SORCS2: variants seen among roughly 807,000 people sequenced by gnomAD.
SORCS2 encodes VPS10 domain-containing receptor SorCS2.
A neutral mutation model predicts 141.6 loss-of-function variants in SORCS2; 100 were observed. The ratio of observed to expected loss-of-function variants is 0.71; its 90% CI spans 0.60 to 0.83. The LOEUF (loss-of-function observed/expected upper bound fraction) is 0.83, where lower values mean the gene tolerates loss of function less well. SORCS2 is among the 40% of genes least tolerant of loss of function. The pLI is 0.00. For synonymous variants in SORCS2, 789 were observed against 676.9 expected (o/e 1.17, Z -2.57); for missense variants, 1,646 against 1,560.2 (o/e 1.05, Z -0.93).
At chr4:7,613,369 G>C (rs1386657488) in intron 3 of SORCS2, among the ~76,000 whole-genome samples, 2 of 152,238 alleles carry the variant, frequency 1.3e-5, no homozygotes, top group Admixed American at 6.5e-5. Context: ...GCTCTGCGTG[G>C]CCAGGTGCCA....
intron 11 of SORCS2, among the ~76,000 whole-genome samples, chr4:7,691,364 G>C (rs549590429): frequency 2.6e-5 from 4 of 152,332 alleles, no homozygotes; most frequent in African/African-American, 9.6e-5. Flanking sequence ...TGGCCTTCTG[G>C]GTGGAAGGGG....
At chr4:7,202,396 G>A (rs1727528327) in intron 1 of SORCS2, among the ~76,000 whole-genome samples, 1 of 151,938 alleles carries the variant, frequency 6.6e-6, no homozygotes. Context: ...GTGTCCTTTT[G>A]AGGTGGAAAA....
In SORCS2 at chr4:7,444,091, A is replaced by G. The variant is rs182991524; in HGVS notation, c.548+47736A>G. Among the ~76,000 whole-genome samples, 45 of 152,364 alleles carry G rather than the reference A, an allele frequency of 3.0e-4. No homozygotes were observed. In the East Asian group the frequency reaches 8.5e-3, roughly 29 times the overall value. ...TCTCCTTCCCTGTTAGAAGAGGGGA[A>G]ATAGGCAGATCCTAAAAGCAAACAC... On this transcript the variant is annotated intron_variant, in intron 2 of 26. Transcript: ENST00000507866.
At chr4:7,657,537 A>G (rs1395598387) in intron 5 of SORCS2, among the ~76,000 whole-genome samples, 1 of 152,212 alleles carries the variant, frequency 6.6e-6, no homozygotes, top group Non-Finnish European at 1.5e-5. Context: ...GATTGAGTGA[A>G]AGAATGAATG....
At chr4:7,416,919 C>G (rs1172302853) in intron 2 of SORCS2, among the ~76,000 whole-genome samples, 1 of 152,182 alleles carries the variant, frequency 6.6e-6, no homozygotes, top group African/African-American at 2.4e-5. Context: ...GACACACTGA[C>G]ACATTCACAC....
intron 1 of SORCS2, among the ~76,000 whole-genome samples, chr4:7,304,523 A>C (rs1003223046): frequency 6.6e-6 from 1 of 152,202 alleles, no homozygotes; most frequent in Non-Finnish European, 1.5e-5. Flanking sequence ...ATGTGCATTG[A>C]GCCTGGGCTC....
chr4:7,401,372 T>G (rs1037568330), intron 2 of SORCS2, among the ~76,000 whole-genome samples: 8 of 151,766 alleles, frequency 5.3e-5, no homozygotes, highest in African/African-American at 1.9e-4. Flanking sequence ...GATGGATGGG[T>G]GGATGGAAGA....
At chr4:7,349,594 G>A (rs778054317) in intron 1 of SORCS2, among the ~76,000 whole-genome samples, 4 of 152,194 alleles carry the variant, frequency 2.6e-5, no homozygotes, top group East Asian at 3.9e-4. Flanking sequence ...CCTGCCTACC[G>A]TGCTCTGGCA....
chr4:7,194,220 A>G (rs1171940705), intron 1 of SORCS2, among the ~76,000 whole-genome samples: 3 of 151,956 alleles, frequency 2.0e-5, no homozygotes, highest in Non-Finnish European at 2.9e-5. Flanking sequence ...GGGGTCCCCT[A>G]GGAGACCTCT....
At chr4:7,410,961 T>TTTTTTTTTTTTTTG (rs1725264419) in intron 2 of SORCS2, among the ~76,000 whole-genome samples, 1 of 139,682 alleles carries the variant, frequency 7.2e-6, no homozygotes, top group Non-Finnish European at 1.6e-5. Flanking sequence ...TTTTTTTTTT[T>TTTTTTTTTTTTTTG]TTTTTTTTTT....
At chr4:7,583,258 G>C (rs1716281531) in intron 3 of SORCS2, among the ~76,000 whole-genome samples, 1 of 152,050 alleles carries the variant, frequency 6.6e-6, no homozygotes, top group East Asian at 1.9e-4. Context: ...GAGCTTAAAG[G>C]CACCATTGGA....
At chr4:7,290,383 C>T (rs759560298) in intron 1 of SORCS2, among the ~76,000 whole-genome samples, 3 of 152,154 alleles carry the variant, frequency 2.0e-5, no homozygotes, top group Non-Finnish European at 2.9e-5. Flanking sequence ...GATGCTCCCA[C>T]GGGGTGCTCA....
intron 1 of SORCS2, among the ~76,000 whole-genome samples, chr4:7,319,538 C>T (rs1187196477): frequency 2.0e-5 from 3 of 151,890 alleles, no homozygotes; most frequent in Non-Finnish European, 4.4e-5. Context: ...GATCCTATCT[C>T]TACATTAAAA....
At chr4:7,539,509 G>A in intron 3 of SORCS2, among the ~76,000 whole-genome samples, 1 of 152,182 alleles carries the variant, frequency 6.6e-6, no homozygotes, top group East Asian at 1.9e-4. Context: ...CCACCCATGT[G>A]TAGGGTAGCT....
In SORCS2 at chr4:7,740,446, C is replaced by A. The variant is rs895669836; in HGVS notation, c.*182C>A. ...CCCGCCCAGGCCCACGGGGGGCCCA[C>A]GGGACCCCCCGGGACTCCCCGGACA... On this transcript the variant is annotated 3_prime_UTR_variant, in exon 27 of 27. Coordinates refer to ENST00000507866, the MANE Select transcript of SORCS2 (RefSeq NM_020777.3). 6.7e-6 allele frequency: 4 copies of A among 595,190 alleles called. No homozygotes were observed. Among genetic ancestry groups the A allele is most frequent in the Non-Finnish European group, 1.2e-5 (4 of 333,702 alleles). The allele number at this position is 595,190 out of a possible 1,614,324, so 36.9% of individuals were successfully genotyped here. A position where few individuals can be genotyped will look rare whatever the true frequency, so the allele number is the denominator to read the frequency against.
intron 2 of SORCS2, among the ~76,000 whole-genome samples, chr4:7,426,042 A>G (rs992003057): frequency 2.6e-5 from 4 of 152,200 alleles, no homozygotes; most frequent in Admixed American, 6.5e-5. Context: ...CTGCCCCGGG[A>G]TGCTGGAGGC....
At chr4:7,596,782 T>G (rs1717303500) in intron 3 of SORCS2, among the ~76,000 whole-genome samples, 1 of 152,096 alleles carries the variant, frequency 6.6e-6, no homozygotes, top group African/African-American at 2.4e-5. Context: ...TGCAAGGGGC[T>G]TTCATGTTTC....
At chr4:7,349,903 T>C (rs945546631) in intron 1 of SORCS2, among the ~76,000 whole-genome samples, 5 of 152,192 alleles carry the variant, frequency 3.3e-5, no homozygotes, top group African/African-American at 1.2e-4. Flanking sequence ...AAGTGTTTGG[T>C]GTTCCGAGCA....
At chr4:7,527,220 C>T (rs1450667852) in intron 2 of SORCS2, among the ~76,000 whole-genome samples, 3 of 152,238 alleles carry the variant, frequency 2.0e-5, no homozygotes, top group Admixed American at 6.5e-5. Flanking sequence ...CACTTGTGGT[C>T]GGCAGAGCAA....
Sources: allele counts gnomAD v4.1 joint callset (sites outside exome capture counted in the v4.1 genomes callset), GRCh38; gene constraint gnomAD v4.1.1; transcripts MANE v1.5; gene names NCBI Gene and HGNC (gene_info 2026-07-23, HGNC 2026-07-21).